The following DEUP1 variants were observed in gnomAD, a reference collection of about 807,000 sequenced individuals.
DEUP1 encodes deuterosome assembly protein 1, also known as coiled-coil domain containing 67.
Under a neutral mutation model 87.4 loss-of-function variants are expected in DEUP1, and 82 were observed. That is an observed-to-expected ratio of 0.94 (90% CI 0.78 to 1.13). DEUP1 has a LOEUF of 1.13. Among genes scored for constraint, DEUP1 ranks in the 50% most tolerant of loss-of-function variants. DEUP1 has a pLI of 0.00. For synonymous variants in DEUP1, 214 were observed against 222.7 expected, an observed-to-expected ratio of 0.96 and a Z score of 0.35; for missense variants, 663 against 681.5, an observed-to-expected ratio of 0.97 and a Z score of 0.30.
chr11:93,387,735 C>T (rs1339954323), intron 8 of DEUP1, among the ~76,000 whole-genome samples: 2 of 151,944 alleles, frequency 1.3e-5, no homozygotes, highest in Non-Finnish European at 2.9e-5. Flanking sequence ...GGAAATTTTT[C>T]ACTCATTTCA....
intron 2 of DEUP1, among the ~76,000 whole-genome samples, chr11:93,338,759 G>A (rs1335713042): frequency 1.3e-5 from 2 of 152,020 alleles, no homozygotes; most frequent in Admixed American, 1.3e-4. Flanking sequence ...GCTTATTAAA[G>A]GCAATAAACT....
chr11:93,349,708 T>C (rs182114969), intron 2 of DEUP1, among the ~76,000 whole-genome samples: 358 of 152,222 alleles, frequency 2.4e-3, no homozygotes, highest in African/African-American at 8.1e-3. Flanking sequence ...TCAGGCAGTA[T>C]ACTGGATACT....
chr11:93,364,366 T>G, intron 5 of DEUP1, 72 bp downstream of exon 5: 2 of 1,336,758 alleles, frequency 1.5e-6, no homozygotes, highest in Non-Finnish European at 2.1e-6. Context: ...TATTTGTCTC[T>G]AGTGTCCACA....
chr11:93,375,054 A>G (rs11020292), intron 7 of DEUP1, among the ~76,000 whole-genome samples: 2,164 of 126,450 alleles, frequency 0.017, 20 homozygotes, highest in East Asian at 0.064. Flanking sequence ...TTTTTGCACT[A>G]TTGTAAAAGA....
chr11:93,370,721 CT>C (rs1241841869), intron 6 of DEUP1, among the ~76,000 whole-genome samples: 1 of 152,082 alleles, frequency 6.6e-6, no homozygotes, highest in African/African-American at 2.4e-5. Flanking sequence ...TGGTTATAGA[CT>C]TTTTTCAACC....
chr11:93,331,665 C>T (rs772123078), intron 1 of DEUP1, among the ~76,000 whole-genome samples: 3 of 152,136 alleles, frequency 2.0e-5, no homozygotes, highest in African/African-American at 7.2e-5. Flanking sequence ...TGTACTGAGC[C>T]GTTTGCGAAC....
intron 4 of DEUP1, among the ~76,000 whole-genome samples, chr11:93,361,910 A>T (rs1209601094): frequency 6.6e-6 from 1 of 152,104 alleles, no homozygotes; most frequent in Non-Finnish European, 1.5e-5. Context: ...ATGGAGAAAT[A>T]TACCATGCAA....
chr11:93,335,190 A>G (rs765483991), intron 2 of DEUP1, among the ~76,000 whole-genome samples: 1 of 144,434 alleles, frequency 6.9e-6, no homozygotes, highest in Non-Finnish European at 1.6e-5. Flanking sequence ...TGTAATTTCA[A>G]GGGGCATTTA....
At chr11:93,331,022 G>A (rs1439928638) in intron 1 of DEUP1, among the ~76,000 whole-genome samples, 1 of 152,230 alleles carries the variant, frequency 6.6e-6, no homozygotes. Flanking sequence ...TCAGTTGTGT[G>A]GCCTTGGGCA....
At chr11:93,407,371 C>A (rs1310917242) in intron 11 of DEUP1, among the ~76,000 whole-genome samples, 4 of 152,098 alleles carry the variant, frequency 2.6e-5, no homozygotes, top group Non-Finnish European at 5.9e-5. Flanking sequence ...GTAGGCTATA[C>A]CATCTAGGTT....
At position 93,437,565 on chromosome 11, in the gene DEUP1, CAG is replaced by C. The variant is rs746006801; in HGVS notation, c.1662_1663del (p.Ala555IlefsTer19). On this transcript the variant is annotated frameshift_variant, in exon 14 of 14. Coordinates refer to ENST00000298050, the MANE Select transcript of DEUP1 (RefSeq NM_181645.4). LOFTEE classifies it high-confidence loss of function. ...TAGTCTCCCCCAGATATGTCCTTCC[CAG>C]CATCTTTGGCTGCACAGCATTTCCT... is the stretch of plus-strand genomic sequence containing the variant. The C allele has an allele frequency of 5.6e-5, 91 of 1,612,900 alleles. No individual in the cohort carries two copies. The highest frequency in any genetic ancestry group is 7.6e-5 in the Non-Finnish European group (90 of 1,179,486).
chr11:93,376,794 C>A (rs1470655642), intron 7 of DEUP1, among the ~76,000 whole-genome samples: 3 of 152,090 alleles, frequency 2.0e-5, no homozygotes, highest in African/African-American at 7.2e-5. Flanking sequence ...TTTGCTGTAT[C>A]CCAGAGGTTT....
chr11:93,408,508 T>C (rs1947346928), intron 12 of DEUP1, 81 bp downstream of exon 12: 2 of 889,398 alleles, frequency 2.2e-6, no homozygotes, highest in Middle Eastern at 3.6e-4. Flanking sequence ...AAATTATAAC[T>C]TTATACGCTT....
At chr11:93,436,683 C>T (rs1948257636) in intron 13 of DEUP1, among the ~76,000 whole-genome samples, 1 of 152,126 alleles carries the variant, frequency 6.6e-6, no homozygotes, top group African/African-American at 2.4e-5. Context: ...CACATGTATA[C>T]AGATTGTCGA....
chr11:93,415,203 T>C (rs760708178), intron 13 of DEUP1, 89 bp downstream of exon 13: 1 of 791,202 alleles, frequency 1.3e-6, no homozygotes, highest in Non-Finnish European at 2.1e-6. Flanking sequence ...TACATAGTAG[T>C]TCGTTTGTTT....
chr11:93,411,723 A>G (rs935068423), intron 12 of DEUP1, among the ~76,000 whole-genome samples: 12 of 152,200 alleles, frequency 7.9e-5, no homozygotes, highest in African/African-American at 2.7e-4. Context: ...TGACAAATCA[A>G]TTTTGTAATA....
At chr11:93,338,957 G>A (rs936865940) in intron 2 of DEUP1, among the ~76,000 whole-genome samples, 3 of 152,134 alleles carry the variant, frequency 2.0e-5, no homozygotes, top group Non-Finnish European at 2.9e-5. Context: ...ATTGGAGAAT[G>A]TATGGGGAAT....
At chr11:93,369,188 A>G (rs1043912064) in intron 5 of DEUP1, among the ~76,000 whole-genome samples, 6 of 152,160 alleles carry the variant, frequency 3.9e-5, no homozygotes, top group African/African-American at 9.7e-5. Context: ...AGCTCTTCTT[A>G]TAAGAGCACT....
At chr11:93,385,591 T>C (rs1352506021) in intron 8 of DEUP1, 48 bp downstream of exon 8, 15 of 1,428,044 alleles carry the variant, frequency 1.1e-5, no homozygotes, top group Non-Finnish European at 1.4e-5. Context: ...CAAAACATGA[T>C]GTTTGAATGT....
Sources: gnomAD v4.1 joint callset for allele counts (sites outside exome capture counted in the v4.1 genomes callset) on GRCh38, gnomAD v4.1.1 for gene constraint, MANE v1.5 for transcripts, NCBI Gene and HGNC (gene_info 2026-07-23, HGNC 2026-07-21) for gene names.